The following SPATA6L variants were observed in gnomAD, a reference collection of about 807,000 sequenced individuals.
SPATA6L encodes the protein spermatogenesis associated 6 like.
SPATA6L carries 68 observed loss-of-function variants against 49.2 expected under a neutral mutation model. The observed-to-expected ratio is 1.38, with a 90% confidence interval of 1.14 to 1.69. SPATA6L has a LOEUF of 1.69. Ranked by LOEUF, SPATA6L falls within the 40% of genes most tolerant of loss-of-function variation. The probability of loss-of-function intolerance (pLI) is 0.00; values close to 1 mark genes in which losing one functional copy is unlikely to be tolerated. For synonymous variants in SPATA6L, 198 were observed against 165.7 expected (o/e 1.19, Z -1.50); for missense variants, 668 against 464.3 (o/e 1.44, Z -4.03).
At chr9:4,651,806 G>GATAT (rs1836934303) in intron 3 of SPATA6L, among the ~76,000 whole-genome samples, 1 of 152,178 alleles carries the variant, frequency 6.6e-6, no homozygotes, top group East Asian at 1.9e-4. Flanking sequence ...TCCTCAACCT[G>GATAT]ATATAGAGCA....
At chr9:4,623,470 GT>G (rs1013853434) in intron 6 of SPATA6L, among the ~76,000 whole-genome samples, 5 of 151,832 alleles carry the variant, frequency 3.3e-5, no homozygotes, top group Non-Finnish European at 7.4e-5. Context: ...TTTACTTTCT[GT>G]TTTTTAACAT....
chr9:4,612,797 A>G (rs1827082221), intron 9 of SPATA6L, among the ~76,000 whole-genome samples: 1 of 152,212 alleles, frequency 6.6e-6, no homozygotes, highest in Admixed American at 6.5e-5. Context: ...TCATTCATTC[A>G]TTCATCCATC....
downstream of SPATA6L, among the ~76,000 whole-genome samples, chr9:4,593,502 T>G (rs965652167): frequency 1.3e-5 from 2 of 152,102 alleles, no homozygotes; most frequent in African/African-American, 4.8e-5. Flanking sequence ...GGATAAAAAC[T>G]GGAACCCTAT....
chr9:4,625,758 T>C (rs1461583578), intron 5 of SPATA6L, 192 bp from the exon 6 acceptor site: 1 of 414,912 alleles, frequency 2.4e-6, no homozygotes, highest in East Asian at 3.9e-5. Flanking sequence ...ATCAGTAGTA[T>C]TTATAACTTG....
chr9:4,662,133 T>G lies in SPATA6L; in HGVS notation c.40-97A>C. ...ATTTCTCTTAAGCTCCTACAGACAC[T>G]GACATTTTCCCCATCACCTCACTCC... On this transcript the variant is annotated intron_variant, in intron 1 of 11. Coordinates refer to ENST00000682582, the MANE Select transcript of SPATA6L (RefSeq NM_001353486.2). This position sits in a 1 kb window ranked among gnomAD's most constrained non-coding sequence, Gnocchi z 4.9. 6.6e-7 allele frequency: 1 copy of G among 1,509,704 alleles called. No homozygotes were observed. The highest frequency in any genetic ancestry group is 8.9e-7 in the Non-Finnish European group (1 of 1,128,264). 93.5% of individuals were successfully genotyped at this position (1,509,704 alleles called of 1,614,324 possible). A position where few individuals can be genotyped will look rare whatever the true frequency, so the allele number is the denominator to read the frequency against.
intron 6 of SPATA6L, among the ~76,000 whole-genome samples, chr9:4,624,503 G>T (rs1229192390): frequency 2.0e-5 from 3 of 152,120 alleles, no homozygotes; most frequent in Non-Finnish European, 4.4e-5. Context: ...TGATGTGGGT[G>T]GATCATCTGA....
chr9:4,661,574 C>G (rs10974716), intron 2 of SPATA6L, among the ~76,000 whole-genome samples: 30,510 of 151,838 alleles, frequency 0.2, 3,295 homozygotes, highest in Non-Finnish European at 0.25. Context: ...TATTAATAAT[C>G]CCTTTCGTAA....
intron 3 of SPATA6L, chr9:4,646,658 GC>G (rs1290317364): frequency 7.0e-6 from 3 of 425,560 alleles, no homozygotes; most frequent in African/African-American, 2.1e-5. Flanking sequence ...AAAAATAACT[GC>G]CAAACCAACA....
chr9:4,647,845 T>C (rs1835768509), intron 3 of SPATA6L, among the ~76,000 whole-genome samples: 1 of 151,776 alleles, frequency 6.6e-6, no homozygotes. Flanking sequence ...GTTTTTTTTT[T>C]TTTTTTTGAA....
In SPATA6L at chr9:4,617,973, G is replaced by C. The variant is rs775842689; in HGVS notation, c.945C>G (p.Tyr315Ter). ...AGGGGCCAGGAGAGGTGGAATGCTG[G>C]TAGGTGGCAAATGAAGCTTTCCCGT... The part of the protein sequence containing the change: ...DFHGKASFAT[Y>*]QHSTSPGPLD... Residue 315 changes from tyrosine (Y) to a stop codon, truncating the protein, a stop_gained, in exon 9 of 12, where the codon TAC becomes TAG. Transcript: ENST00000682582. LOFTEE classifies it high-confidence loss of function. 1.9e-6 allele frequency: 3 copies of C among 1,614,022 alleles called. No homozygotes were observed. The highest frequency in any genetic ancestry group is 2.5e-6 in the Non-Finnish European group (3 of 1,179,988).
At chr9:4,663,336 G>C (rs1027926899) in intron 1 of SPATA6L, 25 of 1,483,176 alleles carry the variant, frequency 1.7e-5, no homozygotes, top group Non-Finnish European at 1.8e-6. Context: ...TAAACCAGCA[G>C]CCATCCCGCT....
At position 4,662,099 on chromosome 9, in the gene SPATA6L, C is replaced by CG. The variant is rs1183884455; in HGVS notation, c.40-64dup. ...ACAGACTTTGCTTTGTTTTGTTACA[C>CG]GGGGCTCTATTTCTCTTAAGCTCCT... On this transcript the variant is annotated intron_variant, in intron 1 of 11. Transcript: ENST00000682582. This position sits in a 1 kb window ranked among gnomAD's most constrained non-coding sequence, Gnocchi z 4.9. 1.9e-5 allele frequency: 30 copies of CG among 1,583,478 alleles called. No homozygotes were observed. The highest frequency in any genetic ancestry group is 1.7e-4 in the Middle Eastern group (1 of 6,012).
intron 9 of SPATA6L, among the ~76,000 whole-genome samples, chr9:4,611,376 T>C (rs1356423240): frequency 2.0e-5 from 3 of 148,710 alleles, no homozygotes; most frequent in Admixed American, 6.6e-5. Flanking sequence ...CTACTCACAA[T>C]AGCAAAGACT....
chr9:4,592,389 T>C (rs1484728198), intron 13 of SPATA6L, among the ~76,000 whole-genome samples: 1 of 152,110 alleles, frequency 6.6e-6, no homozygotes, highest in Non-Finnish European at 1.5e-5. Flanking sequence ...GCAATTACTA[T>C]GTGGCAAGCA....
chr9:4,644,065 G>A (rs1834674396), intron 3 of SPATA6L, among the ~76,000 whole-genome samples: 2 of 151,628 alleles, frequency 1.3e-5, no homozygotes, highest in African/African-American at 2.4e-5. Flanking sequence ...TGACAACATA[G>A]GCAAGGCATG....
downstream of SPATA6L, among the ~76,000 whole-genome samples, chr9:4,596,166 C>T (rs1426740567): frequency 6.6e-6 from 1 of 152,164 alleles, no homozygotes; most frequent in Admixed American, 6.5e-5. Flanking sequence ...ATGGAAACTT[C>T]AAGAGGGCAC....
intron 9 of SPATA6L, among the ~76,000 whole-genome samples, chr9:4,613,572 T>C (rs1415629272): frequency 6.6e-6 from 1 of 152,156 alleles, no homozygotes; most frequent in Admixed American, 6.6e-5. Context: ...AAACATTATT[T>C]CTATTCTTCT....
At chr9:4,589,477 T>C (rs1821767000) in intron 13 of SPATA6L, among the ~76,000 whole-genome samples, 1 of 152,258 alleles carries the variant, frequency 6.6e-6, no homozygotes, top group African/African-American at 2.4e-5. Flanking sequence ...TGAGACTTCG[T>C]AAACAGCCCC....
intron 13 of SPATA6L, among the ~76,000 whole-genome samples, chr9:4,593,175 C>T (rs1370846753): frequency 6.6e-6 from 1 of 152,146 alleles, no homozygotes; most frequent in East Asian, 1.9e-4. Context: ...TATAATGCTT[C>T]AAAATGCCTA....
Sources: allele counts gnomAD v4.1 joint callset (sites outside exome capture counted in the v4.1 genomes callset), GRCh38; gene constraint gnomAD v4.1.1; non-coding constraint Gnocchi (gnomAD v3.1); transcripts MANE v1.5; gene names NCBI Gene and HGNC (gene_info 2026-07-23, HGNC 2026-07-21).